Variants in TMEM74 observed in about 807,000 individuals in gnomAD.
TMEM74 encodes transmembrane protein 74.
TMEM74 carries 13 observed loss-of-function variants against 18.1 expected under a neutral mutation model. The ratio of observed to expected loss-of-function variants is 0.72; its 90% CI spans 0.47 to 1.14. The LOEUF (loss-of-function observed/expected upper bound fraction) is 1.14, where lower values mean the gene tolerates loss of function less well. Among genes scored for constraint, TMEM74 ranks in the 50% most tolerant of loss-of-function variants. TMEM74 has a pLI of 0.00. For missense variants in TMEM74, 372 were observed against 375.9 expected, an observed-to-expected ratio of 0.99 and a Z score of 0.09; for synonymous variants, 159 against 146.6, an observed-to-expected ratio of 1.08 and a Z score of -0.61.
chr8:108,676,260 C>G (rs1420759187), intron 1 of TMEM74, among the ~76,000 whole-genome samples: 1 of 152,164 alleles, frequency 6.6e-6, no homozygotes, highest in Non-Finnish European at 1.5e-5. Context: ...CCACCCAACA[C>G]CCCTAAGAGC....
At chr8:108,651,859 A>C (rs1180736992) in intron 2 of TMEM74, among the ~76,000 whole-genome samples, 1 of 152,032 alleles carries the variant, frequency 6.6e-6, no homozygotes, top group Non-Finnish European at 1.5e-5. Flanking sequence ...TGTTATACAC[A>C]GAACTGTTCA....
At position 108,702,736 on chromosome 8, in the gene TMEM74, A is replaced by G. The variant is rs533252997; in HGVS notation, n.120-47299T>C. Among the ~76,000 whole-genome samples, 8 of 148,944 alleles carry G rather than the reference A, an allele frequency of 5.4e-5. No homozygotes were observed. In the East Asian group the frequency reaches 1.6e-3, roughly 30 times the overall value. On this transcript the variant is annotated intron_variant and non_coding_transcript_variant, in intron 1 of 3. Coordinates refer to the TMEM74 transcript ENST00000518838. ...CATTTAACATTAGGTATATCTCTTC[A>G]TGCTATCCCTCCCCCCTCCCCCCAC...
intron 1 of TMEM74, among the ~76,000 whole-genome samples, chr8:108,687,394 A>G (rs964528077): frequency 6.6e-6 from 1 of 152,108 alleles, no homozygotes; most frequent in African/African-American, 2.4e-5. Flanking sequence ...AGAAAAAGTT[A>G]AGTCCTTTAT....
intron 1 of TMEM74, among the ~76,000 whole-genome samples, chr8:108,723,733 C>T (rs568138788): frequency 6.6e-6 from 1 of 151,886 alleles, no homozygotes; most frequent in Admixed American, 6.6e-5. Context: ...CATTCAACAC[C>T]AAAACCAAGA....
At chr8:108,763,640 A>G (rs1169777229) in intron 1 of TMEM74, among the ~76,000 whole-genome samples, 4 of 152,158 alleles carry the variant, frequency 2.6e-5, no homozygotes, top group Admixed American at 6.5e-5. Context: ...ATAAGTAAAC[A>G]TATGTCAGCA....
At chr8:108,724,932 G>A (rs117028822) in intron 1 of TMEM74, among the ~76,000 whole-genome samples, 4,384 of 152,260 alleles carry the variant, frequency 0.029, 104 homozygotes, top group Non-Finnish European at 0.045. Flanking sequence ...AATCCTCTTA[G>A]AATAAAACAC....
intron 2 of TMEM74, among the ~76,000 whole-genome samples, chr8:108,653,756 G>T (rs1812796345): frequency 6.6e-6 from 1 of 152,086 alleles, no homozygotes; most frequent in Admixed American, 6.5e-5. Context: ...CTTTTTTAAA[G>T]AAGTATAACA....
At chr8:108,711,929 C>T (rs536767214) in intron 1 of TMEM74, among the ~76,000 whole-genome samples, 2 of 152,102 alleles carry the variant, frequency 1.3e-5, no homozygotes, top group African/African-American at 4.8e-5. Flanking sequence ...AGTTGCATAT[C>T]TATATCTATA....
chr8:108,707,127 C>T (rs1176366444), intron 1 of TMEM74, among the ~76,000 whole-genome samples: 1 of 132,278 alleles, frequency 7.6e-6, no homozygotes, highest in Admixed American at 9.4e-5. Context: ...TAGGTGGGAA[C>T]TGAACAATGA....
chr8:108,634,930 G>A (rs1456039494), intron 2 of TMEM74, among the ~76,000 whole-genome samples: 3 of 151,906 alleles, frequency 2.0e-5, no homozygotes, highest in South Asian at 2.1e-4. Flanking sequence ...AGTCTTACAC[G>A]CTGGCATGGA....
At chr8:108,737,462 T>C (rs541661207) in intron 1 of TMEM74, among the ~76,000 whole-genome samples, 1 of 152,320 alleles carries the variant, frequency 6.6e-6, no homozygotes, top group South Asian at 2.1e-4. Flanking sequence ...GGTTCATGCA[T>C]TATTTAAAAC....
At chr8:108,631,067 CT>C (rs564586060) in intron 2 of TMEM74, among the ~76,000 whole-genome samples, 52 of 152,076 alleles carry the variant, frequency 3.4e-4, no homozygotes, top group African/African-American at 1.3e-3. Context: ...AATTAAAGTC[CT>C]GAAGAAAAGC....
At chr8:108,627,280 A>G (rs988209800) in intron 2 of TMEM74, among the ~76,000 whole-genome samples, 1 of 152,036 alleles carries the variant, frequency 6.6e-6, no homozygotes, top group African/African-American at 2.4e-5. Context: ...GGGCTCTGTC[A>G]TATGGTATCC....
At chr8:108,704,995 G>A (rs931019786) in intron 1 of TMEM74, among the ~76,000 whole-genome samples, 4 of 152,178 alleles carry the variant, frequency 2.6e-5, no homozygotes, top group Admixed American at 1.3e-4. Context: ...ATAAACATCC[G>A]ATATAATGTA....
rs1034553567 is a variant in TMEM74, at chr8:108,782,325, T to C, written c.*1856A>G. ...AAAATACAGCAACAGAAAGCAAAAA[T>C]CATGTTTATGTCATCTCAATTCTTT... is the stretch of plus-strand genomic sequence containing the variant. On this transcript the variant is annotated 3_prime_UTR_variant, in exon 2 of 2. Transcript: ENST00000297459. 9.2e-5 allele frequency among the ~76,000 whole-genome samples: 14 copies of C among 152,132 alleles called. No homozygotes were observed. The highest frequency in any genetic ancestry group is 3.3e-4 in the Admixed American group (5 of 15,278).
At chr8:108,760,620 A>T (rs1814033196) in intron 1 of TMEM74, among the ~76,000 whole-genome samples, 1 of 151,902 alleles carries the variant, frequency 6.6e-6, no homozygotes, top group South Asian at 2.1e-4. Context: ...CTTGGAAGAG[A>T]TGCAATTATC....
chr8:108,608,998 A>G (rs143176562), intron 2 of TMEM74, among the ~76,000 whole-genome samples: 6 of 152,332 alleles, frequency 3.9e-5, no homozygotes, highest in Middle Eastern at 3.4e-3. Context: ...AAAAAAATAA[A>G]CAAATTTTAT....
chr8:108,778,062 T>C (rs749409814), downstream of TMEM74, among the ~76,000 whole-genome samples: 4 of 152,194 alleles, frequency 2.6e-5, no homozygotes, highest in Non-Finnish European at 4.4e-5. Flanking sequence ...GCCCCCAGTA[T>C]AAATGTATTA....
intron 1 of TMEM74, among the ~76,000 whole-genome samples, chr8:108,750,063 C>T (rs1405627794): frequency 6.6e-6 from 1 of 152,050 alleles, no homozygotes; most frequent in Non-Finnish European, 1.5e-5. Flanking sequence ...ACTCATGATC[C>T]TTTTCAGCAG....
Sources: gnomAD v4.1 joint callset for allele counts (sites outside exome capture counted in the v4.1 genomes callset) on GRCh38, gnomAD v4.1.1 for gene constraint, MANE v1.5 for transcripts, NCBI Gene and HGNC (gene_info 2026-07-23, HGNC 2026-07-21) for gene names.